Variants in GABRA3 observed in about 807,000 individuals in gnomAD.
The protein encoded by GABRA3 is gamma-aminobutyric acid receptor subunit alpha-3.
In GABRA3, 10 loss-of-function variants were observed where a neutral mutation model predicts 30.1. The observed-to-expected ratio is 0.33, with a 90% CI of 0.20 to 0.56. The LOEUF (loss-of-function observed/expected upper bound fraction) is 0.56, where lower values mean the gene tolerates loss of function less well. GABRA3 is among the 20% of genes least tolerant of loss of function. The pLI is 0.89. For missense variants in GABRA3, 233 were observed against 392.0 expected (o/e 0.59, Z 3.42); for synonymous variants, 151 against 146.8 (o/e 1.03, Z -0.21).
chrX:152,249,661 C>T (rs946863690), intron 5 of GABRA3, among the ~76,000 whole-genome samples: 2 of 110,546 alleles, frequency 1.8e-5, no homozygotes, highest in East Asian at 2.9e-4. Flanking sequence ...GCCAACATAG[C>T]GTATAAGCCC....
chrX:152,324,053 A>G lies in GABRA3; in HGVS notation c.262+21528T>C, dbSNP rs750259778. On this transcript the variant is annotated intron_variant, in intron 3 of 9. Transcript: ENST00000370314. ...CTTATTAAAGGAACTTAATAAATGAATTAATTAATGATTTAATCCATCAAC... is the reference window on the plus strand; with the variant it reads ...CTTATTAAAGGAACTTAATAAATGAGTTAATTAATGATTTAATCCATCAAC... 6.2e-5 allele frequency among the ~76,000 whole-genome samples: 7 copies of G among 112,460 alleles called. No homozygotes were observed. The South Asian group carries it at 2.6e-3, about 41-fold the overall frequency.
rs955010771 is a variant in GABRA3, at chrX:152,167,138, G to A, written c.*1090C>T. The A allele has an allele frequency of 5.4e-5, 6 of 111,060 alleles. No individual in the cohort carries two copies. The highest frequency in any genetic ancestry group is 1.3e-4 in the African/African-American group (4 of 30,544). 9.2% of individuals were successfully genotyped at this position (111,060 alleles called of 1,213,427 possible). ...GAATCGGCATCAACAGAGGACCGGA[G>A]GTTCCCGATATGGTGGGAGAAAAGT... is the stretch of plus-strand genomic sequence containing the variant. On this transcript the variant is annotated 3_prime_UTR_variant, in exon 10 of 10. Transcript: ENST00000370314.
intron 1 of GABRA3, among the ~76,000 whole-genome samples, chrX:152,406,797 A>G (rs1004775122): frequency 4.5e-5 from 5 of 110,781 alleles, no homozygotes; most frequent in African/African-American, 1.3e-4. Flanking sequence ...CAGCTGGAGA[A>G]TACACATTCT....
At chrX:152,234,075 T>G in intron 5 of GABRA3, among the ~76,000 whole-genome samples, 3 of 95,836 alleles carry the variant, frequency 3.1e-5, no homozygotes, top group Admixed American at 1.1e-4. Flanking sequence ...AGGGATAGCA[T>G]TGGGAGATAT....
At chrX:152,412,658 A>G (rs941916222) in intron 1 of GABRA3, among the ~76,000 whole-genome samples, 1 of 111,505 alleles carries the variant, frequency 9.0e-6, no homozygotes, top group African/African-American at 3.3e-5. Context: ...AGAATAGGTA[A>G]ATCCATAGAG....
chrX:152,352,517 A>G lies in GABRA3; in HGVS notation c.141-6815T>C, dbSNP rs192709466. On this transcript the variant is annotated intron_variant, in intron 2 of 9. Transcript: ENST00000370314. ...TCAAACTCATGCTGTCACTGCCAGC[A>G]TCCTTCATTGAGGATCCTGGTGTGT... 1.6e-3 allele frequency among the ~76,000 whole-genome samples: 183 copies of G among 111,123 alleles called. 1 individual carries two copies. Among genetic ancestry groups the G allele is most frequent in the African/African-American group, 5.7e-3 (173 of 30,595 alleles).
At chrX:152,179,495 A>ATTT (rs199606296) in intron 9 of GABRA3, among the ~76,000 whole-genome samples, 5 of 97,232 alleles carry the variant, frequency 5.1e-5, no homozygotes, top group Admixed American at 2.3e-4. Flanking sequence ...TGTGAGTTCA[A>ATTT]TTTTTTTTTT....
At chrX:152,430,536 A>G (rs755297034) in intron 1 of GABRA3, among the ~76,000 whole-genome samples, 1 of 111,500 alleles carries the variant, frequency 9.0e-6, no homozygotes, top group African/African-American at 3.3e-5. Flanking sequence ...TAAGACTTGC[A>G]TCACGCCAAG....
intron 3 of GABRA3, among the ~76,000 whole-genome samples, chrX:152,296,803 C>A (rs1939537184): frequency 9.1e-6 from 1 of 109,538 alleles, no homozygotes; most frequent in African/African-American, 3.3e-5. Context: ...GGGCTCAAGC[C>A]AATCTCCTTC....
At position 152,199,084 on chromosome X, in the gene GABRA3, T is replaced by C. The variant is rs751264744; in HGVS notation, c.779-1299A>G. Among the ~76,000 whole-genome samples, 27 of 111,125 alleles carry C rather than the reference T, an allele frequency of 2.4e-4. No individual in the cohort carries two copies. In the East Asian group the frequency reaches 3.2e-3, roughly 13 times the overall value. On this transcript the variant is annotated intron_variant, in intron 7 of 9. Transcript: ENST00000370314. Reference sequence around the variant, plus strand: ...GATACGTAAAAAGCAGGCAGAGGGCTGGGTGCGGTGGCTCAAGCCTGCCTG... The same window carrying C: ...GATACGTAAAAAGCAGGCAGAGGGCCGGGTGCGGTGGCTCAAGCCTGCCTG...
chrX:152,246,751 C>A (rs1388328396), intron 5 of GABRA3, among the ~76,000 whole-genome samples: 1 of 111,241 alleles, frequency 9.0e-6, no homozygotes, highest in African/African-American at 3.3e-5. Context: ...TATGCTCTTA[C>A]TTCTGTTCAT....
intron 1 of GABRA3, among the ~76,000 whole-genome samples, chrX:152,416,751 C>T: frequency 9.0e-6 from 1 of 110,690 alleles, no homozygotes; most frequent in Middle Eastern, 4.6e-3. Flanking sequence ...CTTTGACAAA[C>T]CTGAGAAAAA....
chrX:152,238,572 C>A (rs1938281525), intron 5 of GABRA3, among the ~76,000 whole-genome samples: 1 of 107,570 alleles, frequency 9.3e-6, no homozygotes, highest in Admixed American at 9.9e-5. Flanking sequence ...GGAATGGTAC[C>A]AGTTCCTCCT....
chrX:152,212,927 C>A (rs1427280224), intron 6 of GABRA3, among the ~76,000 whole-genome samples: 1 of 110,895 alleles, frequency 9.0e-6, no homozygotes, highest in Non-Finnish European at 1.9e-5. Flanking sequence ...AAAACTGCCC[C>A]CTCATCTCAA....
intron 1 of GABRA3, among the ~76,000 whole-genome samples, chrX:152,416,729 C>A (rs1267511649): frequency 9.0e-6 from 1 of 110,629 alleles, no homozygotes; most frequent in East Asian, 2.9e-4. Context: ...CACATATCTA[C>A]AACTATCTGA....
At chrX:152,279,390 T>C (rs1049540086) in intron 4 of GABRA3, among the ~76,000 whole-genome samples, 4 of 111,743 alleles carry the variant, frequency 3.6e-5, no homozygotes, top group Non-Finnish European at 7.5e-5. Context: ...TTTCTTGTTT[T>C]TGTCAGGTTT....
chrX:152,436,321 A>C (rs974259841), intron 1 of GABRA3, among the ~76,000 whole-genome samples: 1 of 112,022 alleles, frequency 8.9e-6, no homozygotes, highest in African/African-American at 3.2e-5. Context: ...CAGTTTCTCA[A>C]CCTCAACAAT....
intron 6 of GABRA3, among the ~76,000 whole-genome samples, chrX:152,219,319 T>C (rs1331911341): frequency 9.0e-6 from 1 of 110,507 alleles, no homozygotes; most frequent in Non-Finnish European, 1.9e-5. Flanking sequence ...CACCCAGGAG[T>C]ATCATTTGCT....
At chrX:152,398,590 A>G (rs1399396409) in intron 1 of GABRA3, among the ~76,000 whole-genome samples, 2 of 111,865 alleles carry the variant, frequency 1.8e-5, no homozygotes, top group Admixed American at 9.5e-5. Flanking sequence ...TAGGAAAGAG[A>G]CATATTTTTC....
Sources: gnomAD v4.1 joint callset for allele counts (sites outside exome capture counted in the v4.1 genomes callset) on GRCh38, gnomAD v4.1.1 for gene constraint, MANE v1.5 for transcripts, NCBI Gene and HGNC (gene_info 2026-07-23, HGNC 2026-07-21) for gene names.